NKAIN2: variants seen among roughly 807,000 people sequenced by gnomAD.
The protein encoded by NKAIN2 is sodium/potassium-transporting ATPase subunit beta-1-interacting protein 2.
A neutral mutation model predicts 32.6 loss-of-function variants in NKAIN2; 14 were observed. The ratio of observed to expected loss-of-function variants is 0.43; its 90% CI spans 0.28 to 0.67. The LOEUF is 0.67. NKAIN2 is among the 30% of genes least tolerant of loss of function. The pLI is 0.17. For synonymous variants in NKAIN2, 80 were observed against 87.2 expected (o/e 0.92, Z 0.46); for missense variants, 198 against 258.3 (o/e 0.77, Z 1.60).
intron 1 of NKAIN2, among the ~76,000 whole-genome samples, chr6:124,202,045 A>AT (rs1349476266): frequency 1.3e-5 from 2 of 151,822 alleles, no homozygotes; most frequent in African/African-American, 4.8e-5. Flanking sequence ...ATCTAAGGCT[A>AT]TTTTTCCTTG....
intron 1 of NKAIN2, among the ~76,000 whole-genome samples, chr6:124,100,885 A>G (rs977511987): frequency 2.0e-5 from 3 of 152,218 alleles, no homozygotes; most frequent in African/African-American, 7.2e-5. Flanking sequence ...GGAAGCAAAA[A>G]GAGGCTGTCT....
intron 1 of NKAIN2, among the ~76,000 whole-genome samples, chr6:124,145,112 A>C (rs2114355989): frequency 6.6e-6 from 1 of 152,358 alleles, no homozygotes; most frequent in Non-Finnish European, 1.5e-5. Context: ...GCCAAAATAA[A>C]AATACTAACA....
intron 1 of NKAIN2, among the ~76,000 whole-genome samples, chr6:123,805,856 A>G (rs1773192073): frequency 6.8e-6 from 1 of 146,590 alleles, no homozygotes; most frequent in Admixed American, 6.8e-5. Context: ...GATCATTCTT[A>G]TGCTCTTTTC....
intron 1 of NKAIN2, among the ~76,000 whole-genome samples, chr6:123,997,707 C>T (rs1562299136): frequency 6.7e-6 from 1 of 148,758 alleles, no homozygotes; most frequent in East Asian, 2.0e-4. Flanking sequence ...AGGTTCACAC[C>T]ATTCTCCTGC....
chr6:123,996,674 C>T (rs187701469), intron 1 of NKAIN2, among the ~76,000 whole-genome samples: 43 of 152,152 alleles, frequency 2.8e-4, no homozygotes, highest in African/African-American at 1.0e-3. Flanking sequence ...TCTGAACATA[C>T]TTTATTCTTG....
At chr6:124,730,027 G>C (rs1314766828) in intron 4 of NKAIN2, among the ~76,000 whole-genome samples, 1 of 133,610 alleles carries the variant, frequency 7.5e-6, no homozygotes, top group African/African-American at 2.8e-5. Flanking sequence ...TCTTCAAGGA[G>C]AACTACAAAC....
intron 3 of NKAIN2, among the ~76,000 whole-genome samples, chr6:124,533,328 C>T (rs1317528922): frequency 1.3e-5 from 2 of 151,788 alleles, no homozygotes; most frequent in Non-Finnish European, 2.9e-5. Flanking sequence ...AAAAATTAGC[C>T]GGGCATGGTG....
intron 3 of NKAIN2, among the ~76,000 whole-genome samples, chr6:124,443,946 T>G (rs1474706263): frequency 6.6e-6 from 1 of 152,070 alleles, no homozygotes; most frequent in Non-Finnish European, 1.5e-5. Context: ...GAATTCCCAC[T>G]TCATATACTC....
At chr6:124,230,907 G>A (rs892558268) in intron 1 of NKAIN2, among the ~76,000 whole-genome samples, 1 of 152,206 alleles carries the variant, frequency 6.6e-6, no homozygotes, top group African/African-American at 2.4e-5. Flanking sequence ...GCACCTCCTA[G>A]TGGAGCTGTG....
intron 3 of NKAIN2, among the ~76,000 whole-genome samples, chr6:124,445,516 A>G (rs181980303): frequency 2.0e-5 from 3 of 152,236 alleles, no homozygotes; most frequent in African/African-American, 4.8e-5. Context: ...AAAATAATCA[A>G]TAAGACTTCA....
intron 3 of NKAIN2, among the ~76,000 whole-genome samples, chr6:124,619,369 G>A (rs1417436345): frequency 6.6e-6 from 1 of 152,072 alleles, no homozygotes; most frequent in East Asian, 1.9e-4. Flanking sequence ...CACTAATTCT[G>A]AGAGATATCA....
At chr6:124,687,234 G>C (rs895454376) in intron 4 of NKAIN2, among the ~76,000 whole-genome samples, 2 of 143,302 alleles carry the variant, frequency 1.4e-5, no homozygotes, top group Non-Finnish European at 3.0e-5. Context: ...AATATATATA[G>C]AGAGAATATA....
At chr6:124,563,258 C>G (rs192220806) in intron 3 of NKAIN2, among the ~76,000 whole-genome samples, 51 of 152,282 alleles carry the variant, frequency 3.3e-4, no homozygotes, top group Admixed American at 2.7e-3. Context: ...CTGAACTCAA[C>G]TCTGTACAGA....
At chr6:123,946,737 T>C (rs1483511732) in intron 1 of NKAIN2, among the ~76,000 whole-genome samples, 4 of 152,178 alleles carry the variant, frequency 2.6e-5, no homozygotes, top group Non-Finnish European at 4.4e-5. Flanking sequence ...AGGGTTGATT[T>C]TCCTTCTTTC....
intron 1 of NKAIN2, among the ~76,000 whole-genome samples, chr6:124,156,599 G>T (rs1787999083): frequency 6.6e-6 from 1 of 152,172 alleles, no homozygotes; most frequent in African/African-American, 2.4e-5. Flanking sequence ...GCACAAGTTT[G>T]CAGAGCTGAG....
chr6:124,798,063 T>TC (rs1554265970), intron 5 of NKAIN2, among the ~76,000 whole-genome samples: 16 of 148,600 alleles, frequency 1.1e-4, no homozygotes, highest in African/African-American at 3.2e-4. Context: ...TATCTATCTA[T>TC]TATCTATCTA....
intron 2 of NKAIN2, among the ~76,000 whole-genome samples, chr6:124,341,569 T>C (rs2115084522): frequency 6.6e-6 from 1 of 152,312 alleles, no homozygotes; most frequent in Non-Finnish European, 1.5e-5. Flanking sequence ...AACTTAATCA[T>C]TAAAACATCT....
chr6:124,043,315 C>A (rs1781964605), intron 1 of NKAIN2, among the ~76,000 whole-genome samples: 2 of 151,964 alleles, frequency 1.3e-5, no homozygotes, highest in Admixed American at 1.3e-4. Context: ...GACTGTATGA[C>A]AGAGTGAAAC....
At chr6:124,821,309 A>G (rs1423450437) in intron 6 of NKAIN2, among the ~76,000 whole-genome samples, 2 of 151,424 alleles carry the variant, frequency 1.3e-5, no homozygotes, top group Non-Finnish European at 2.9e-5. Flanking sequence ...AAAAAAAAAA[A>G]GGAGAATAAA....
Sources: allele counts gnomAD v4.1 joint callset (sites outside exome capture counted in the v4.1 genomes callset), GRCh38; gene constraint gnomAD v4.1.1; transcripts MANE v1.5; gene names NCBI Gene and HGNC (gene_info 2026-07-23, HGNC 2026-07-21).